The following NRXN3 variants were observed in gnomAD, a reference collection of about 807,000 sequenced individuals.
The protein encoded by NRXN3 is neurexin 3, also known as neurexin III.
NRXN3 carries 32 observed loss-of-function variants against 137.6 expected under a neutral mutation model. That is an observed-to-expected ratio of 0.23 (90% CI 0.18 to 0.31). The LOEUF (loss-of-function observed/expected upper bound fraction) is 0.31. Among genes scored for constraint, NRXN3 ranks in the 10% least tolerant of loss-of-function variants. The pLI is 1.00. For synonymous variants in NRXN3, 798 were observed against 784.5 expected, an observed-to-expected ratio of 1.02 and a Z score of -0.29; for missense variants, 1,574 against 2,062.5, an observed-to-expected ratio of 0.76 and a Z score of 4.59.
chr14:79,460,151 G>A (rs1476892187), intron 15 of NRXN3, among the ~76,000 whole-genome samples: 3 of 152,030 alleles, frequency 2.0e-5, no homozygotes, highest in Non-Finnish European at 4.4e-5. Flanking sequence ...AACTTTCTGG[G>A]AGTTAAAGTA....
chr14:79,096,143 T>G (rs2050289911), intron 15 of NRXN3, among the ~76,000 whole-genome samples: 1 of 151,762 alleles, frequency 6.6e-6, no homozygotes, highest in African/African-American at 2.4e-5. Context: ...AATCTCCCTC[T>G]GTCACCCAGG....
At chr14:79,111,853 A>G (rs2053590606) in intron 15 of NRXN3, among the ~76,000 whole-genome samples, 1 of 152,204 alleles carries the variant, frequency 6.6e-6, no homozygotes. Context: ...TTGAAGAGAA[A>G]AAAATGGGTA....
intron 9 of NRXN3, among the ~76,000 whole-genome samples, chr14:78,805,000 A>T (rs1322669212): frequency 6.6e-6 from 1 of 152,198 alleles, no homozygotes; most frequent in African/African-American, 2.4e-5. Context: ...ATGCAAGATC[A>T]TATGTAGGCC....
intron 1 of NRXN3, chr14:78,177,772 C>A (rs1489880575): frequency 6.6e-6 from 1 of 152,170 alleles, no homozygotes; most frequent in Non-Finnish European, 1.5e-5. Context: ...GGATAAAAAC[C>A]TGGATCTTCT....
At chr14:78,593,508 T>C (rs1215570275) in intron 4 of NRXN3, among the ~76,000 whole-genome samples, 1 of 152,190 alleles carries the variant, frequency 6.6e-6, no homozygotes, top group Non-Finnish European at 1.5e-5. Flanking sequence ...ACCACAGTTA[T>C]CTGGCCCTTG....
chr14:78,243,848 C>A lies in NRXN3; in HGVS notation c.709+46C>A. 1 of 1,438,760 alleles carries A rather than the reference C, an allele frequency of 7.0e-7. No homozygotes were observed. The highest frequency in any genetic ancestry group is 9.4e-7 in the Non-Finnish European group (1 of 1,068,892). The allele number at this position is 1,438,760 out of a possible 1,614,324, so 89.1% of individuals were successfully genotyped here. A position where few individuals can be genotyped will look rare whatever the true frequency, so the allele number is the denominator to read the frequency against. Reference sequence around the variant, plus strand: ...TGCTAGAGACCCACCCACGGGATGGCTGAGGCTGGGGCTCCTGATACAAAC... The same window carrying A: ...TGCTAGAGACCCACCCACGGGATGGATGAGGCTGGGGCTCCTGATACAAAC... On this transcript the variant is annotated intron_variant, in intron 2 of 20. Transcript: ENST00000335750. This position sits in a 1 kb window ranked among gnomAD's most constrained non-coding sequence, Gnocchi z 4.2.
intron 16 of NRXN3, among the ~76,000 whole-genome samples, chr14:79,588,318 T>C (rs987420441): frequency 6.6e-6 from 1 of 152,204 alleles, no homozygotes; most frequent in African/African-American, 2.4e-5. Flanking sequence ...TGTGGGTGTT[T>C]TAGAATTGCA....
intron 15 of NRXN3, among the ~76,000 whole-genome samples, chr14:79,046,194 C>T (rs967806269): frequency 4.6e-5 from 7 of 152,160 alleles, no homozygotes; most frequent in Non-Finnish European, 7.4e-5. Context: ...CCTCCTCTTT[C>T]CCCTCCCCTC....
chr14:79,618,405 T>C (rs1277257063), intron 16 of NRXN3, among the ~76,000 whole-genome samples: 1 of 152,080 alleles, frequency 6.6e-6, no homozygotes, highest in Non-Finnish European at 1.5e-5. Context: ...TGAGTACTCA[T>C]AGTTTAGCTT....
chr14:79,017,650 C>T (rs1168887637), intron 15 of NRXN3, among the ~76,000 whole-genome samples: 1 of 152,124 alleles, frequency 6.6e-6, no homozygotes, highest in African/African-American at 2.4e-5. Context: ...TCAGCTTGCA[C>T]ATTCTATGCT....
chr14:78,350,289 CAA>C (rs35583372), intron 4 of NRXN3, among the ~76,000 whole-genome samples: 136 of 137,324 alleles, frequency 9.9e-4, no homozygotes, highest in Non-Finnish European at 1.2e-3. Context: ...AACTTCATCT[CAA>C]AAAAAAAAAA....
chr14:78,731,539 A>C (rs2098515398), intron 8 of NRXN3, among the ~76,000 whole-genome samples: 1 of 151,798 alleles, frequency 6.6e-6, no homozygotes, highest in African/African-American at 2.4e-5. Context: ...AACTGTACCA[A>C]GCAGAAATGG....
At chr14:79,233,401 T>G (rs956262930) in intron 15 of NRXN3, among the ~76,000 whole-genome samples, 1 of 152,160 alleles carries the variant, frequency 6.6e-6, no homozygotes, top group Non-Finnish European at 1.5e-5. Context: ...CCAGTACAAC[T>G]TGGTATGCCC....
Position 79,805,116 on chromosome 14 carries a change from C to T in NRXN3, c.4019C>T (p.Thr1340Ile), listed in dbSNP as rs2099199070. 3 of 1,611,292 alleles carry T rather than the reference C, an allele frequency of 1.9e-6. No individual in the cohort carries two copies. The highest frequency in any genetic ancestry group is 2.5e-6 in the Non-Finnish European group (3 of 1,178,118). Residue 1340 changes from threonine (T) to isoleucine (I), a missense_variant, in exon 20 of 21, where the codon ACA (threonine) becomes ATA (isoleucine). Transcript: ENST00000335750. ...KNRSTASIQP[T>I]SDDLVSSAEC... ...TTTTCTCTTTGACATAAACAGCCAA[C>T]ATCAGATGATCTTGTTTCATCTGCT...
At chr14:78,884,238 G>A (rs1234176971) in intron 10 of NRXN3, among the ~76,000 whole-genome samples, 2 of 152,024 alleles carry the variant, frequency 1.3e-5, no homozygotes. Context: ...CCTTTCATAA[G>A]CAGAAAGCAT....
At chr14:78,185,539 T>G (rs780316716) in intron 1 of NRXN3, among the ~76,000 whole-genome samples, 7 of 152,140 alleles carry the variant, frequency 4.6e-5, no homozygotes, top group African/African-American at 7.2e-5. Flanking sequence ...GTTAGGATGA[T>G]CCCTATTATA....
chr14:79,293,270 A>G (rs904250472), intron 15 of NRXN3, among the ~76,000 whole-genome samples: 2 of 152,186 alleles, frequency 1.3e-5, no homozygotes, highest in African/African-American at 4.8e-5. Flanking sequence ...CTCATCACCA[A>G]GTTCTCCAGG....
At chr14:78,979,869 A>G (rs1353898069) in intron 14 of NRXN3, among the ~76,000 whole-genome samples, 1 of 152,124 alleles carries the variant, frequency 6.6e-6, no homozygotes, top group East Asian at 1.9e-4. Context: ...CACTATCGTG[A>G]GAACAGCATG....
chr14:78,521,797 A>G (rs191578168), intron 4 of NRXN3, among the ~76,000 whole-genome samples: 1 of 152,350 alleles, frequency 6.6e-6, no homozygotes, highest in African/African-American at 2.4e-5. Context: ...AAATTTAAAA[A>G]AAACCCCATG....
Sources: gnomAD v4.1 joint callset for allele counts (sites outside exome capture counted in the v4.1 genomes callset) on GRCh38, gnomAD v4.1.1 for gene constraint, Gnocchi (gnomAD v3.1) non-coding constraint, MANE v1.5 for transcripts, NCBI Gene and HGNC (gene_info 2026-07-23, HGNC 2026-07-21) for gene names.